Variants in MYOCOS observed in about 807,000 individuals in gnomAD.
MYOCOS encodes the protein myocilin opposite strand protein.
At chr1:171,610,185 G>C (rs1027644064) in intron 1 of MYOCOS, among the ~76,000 whole-genome samples, 2 of 152,200 alleles carry the variant, frequency 1.3e-5, no homozygotes, top group Admixed American at 1.3e-4. Context: ...TCACACTCAA[G>C]GAGCAGAGAT....
chr1:171,618,695 C>T (rs1310802306), upstream of MYOCOS, among the ~76,000 whole-genome samples: 1 of 152,196 alleles, frequency 6.6e-6, no homozygotes, highest in Admixed American at 6.5e-5. Flanking sequence ...CCTGTCTCTG[C>T]CTCCCGAGTA....
chr1:171,623,409 A>G (rs2102939914), intron 1 of MYOCOS, among the ~76,000 whole-genome samples: 1 of 152,196 alleles, frequency 6.6e-6, no homozygotes, highest in South Asian at 2.1e-4. Context: ...AAAGCTTTGC[A>G]CATGTCAGTG....
rs1029384950 is a variant in MYOCOS, at chr1:171,602,953, T to G, written c.-252+1873T>G. On this transcript the variant is annotated intron_variant, in intron 1 of 3. Transcript: ENST00000636697. Reference sequence around the variant, plus strand: ...ATCTGCACGTTATAAAAAGCAATTGTTATGCTTGTGCACATGGCAGGCCAG... The same window carrying G: ...ATCTGCACGTTATAAAAAGCAATTGGTATGCTTGTGCACATGGCAGGCCAG... Among the ~76,000 whole-genome samples the G allele has an allele frequency of 2.6e-5, 4 of 152,224 alleles. No homozygotes were observed. In the South Asian group the frequency reaches 6.2e-4, roughly 24 times the overall value.
intron 1 of MYOCOS, among the ~76,000 whole-genome samples, chr1:171,608,855 G>A (rs1652302810): frequency 6.6e-6 from 1 of 152,076 alleles, no homozygotes; most frequent in Non-Finnish European, 1.5e-5. Flanking sequence ...CTCAGAACCA[G>A]AGCCTACACT....
rs186142421 is a variant in MYOCOS at position 171,617,099 on chromosome 1, G to A, written c.-44+2094G>A. Among the ~76,000 whole-genome samples the A allele has an allele frequency of 2.3e-3, 343 of 152,272 alleles. 1 individual carries two copies. The highest frequency in any genetic ancestry group is 8.0e-3 in the African/African-American group (334 of 41,546). The stretch of plus-strand genomic sequence containing the variant: ...CTGACCCTGAGGCAGGGGAGAGCTG[G>A]CCACACAGCTGTGTGGGAGCCACTG... On this transcript the variant is annotated intron_variant, in intron 2 of 3. Transcript: ENST00000636697.
upstream of MYOCOS, among the ~76,000 whole-genome samples, chr1:171,618,948 A>G (rs1652502881): frequency 6.6e-6 from 1 of 152,172 alleles, no homozygotes; most frequent in South Asian, 2.1e-4. Flanking sequence ...GTATCCTCAC[A>G]ACCAGCCCCT....
chr1:171,626,069 T>C (rs1652689807), intron 2 of MYOCOS, among the ~76,000 whole-genome samples: 1 of 151,992 alleles, frequency 6.6e-6, no homozygotes, highest in Admixed American at 6.6e-5. Flanking sequence ...GCATCTGGGG[T>C]ATTTCTTTTG....
At chr1:171,619,125 G>A (rs1365234575), upstream of MYOCOS, among the ~76,000 whole-genome samples, 2 of 152,138 alleles carry the variant, frequency 1.3e-5, no homozygotes, top group African/African-American at 4.8e-5. Flanking sequence ...TGTATTTGGT[G>A]AGTGGAAAAT....
chr1:171,608,662 C>A (rs935228379), intron 1 of MYOCOS, among the ~76,000 whole-genome samples: 10 of 152,160 alleles, frequency 6.6e-5, no homozygotes, highest in African/African-American at 2.4e-4. Context: ...ACCTCATGAT[C>A]TGCCCGCCTC....
intron 1 of MYOCOS, among the ~76,000 whole-genome samples, chr1:171,607,489 C>T (rs772154246): frequency 1.3e-5 from 2 of 152,220 alleles, no homozygotes; most frequent in South Asian, 4.2e-4. Context: ...AAATGTAAGC[C>T]CTCTCACCAT....
intron 1 of MYOCOS, among the ~76,000 whole-genome samples, chr1:171,602,304 T>C (rs910153314): frequency 3.3e-5 from 5 of 152,188 alleles, no homozygotes; most frequent in Admixed American, 6.5e-5. Flanking sequence ...TCCTGAGTAC[T>C]GTTTAAAAAA....
chr1:171,621,574 G>A (rs7512226), upstream of MYOCOS, among the ~76,000 whole-genome samples: 76 of 151,138 alleles, frequency 5.0e-4, no homozygotes, highest in Middle Eastern at 6.8e-3. Context: ...ACGGGGTTTC[G>A]CCGTGTTAGC....
chr1:171,606,920 C>T, intron 1 of MYOCOS, among the ~76,000 whole-genome samples: 1 of 151,866 alleles, frequency 6.6e-6, no homozygotes, highest in Non-Finnish European at 1.5e-5. Flanking sequence ...GGTGAAACCC[C>T]ATCTCTACTA....
chr1:171,624,698 C>G (rs943133098), intron 2 of MYOCOS, among the ~76,000 whole-genome samples: 1 of 152,076 alleles, frequency 6.6e-6, no homozygotes, highest in Non-Finnish European at 1.5e-5. Flanking sequence ...CTGCCCGCCT[C>G]GGCCTCCCAA....
chr1:171,607,184 C>T (rs997318334), intron 1 of MYOCOS, among the ~76,000 whole-genome samples: 1 of 151,226 alleles, frequency 6.6e-6, no homozygotes, highest in African/African-American at 2.4e-5. Flanking sequence ...ATTCTATCTT[C>T]CTTGCAGAGT....
upstream of MYOCOS, among the ~76,000 whole-genome samples, chr1:171,620,925 A>G (rs1365858496): frequency 1.3e-5 from 2 of 151,572 alleles, no homozygotes; most frequent in Admixed American, 6.6e-5. Context: ...GAGTGCCACC[A>G]CGCCGGGCTA....
exon 2 of MYOCOS, chr1:171,615,000 A>G (rs1652421700): frequency 6.6e-6 from 1 of 152,286 alleles, no homozygotes; most frequent in Non-Finnish European, 1.5e-5. Flanking sequence ...ACCAGCTGAG[A>G]AAAAGGTGAG....
intron 2 of MYOCOS, 99 bp from the exon 3 acceptor site, chr1:171,626,355 T>A: frequency 2.5e-6 from 1 of 394,002 alleles, no homozygotes. Context: ...GTGCTGGGAT[T>A]ACAGGCATGA....
chr1:171,615,224 G>GGACC (rs895586793), intron 2 of MYOCOS, among the ~76,000 whole-genome samples: 1 of 152,182 alleles, frequency 6.6e-6, no homozygotes, highest in African/African-American at 2.4e-5. Flanking sequence ...TGAAAGCAGG[G>GGACC]GACCAGATAG....
Sources: allele counts gnomAD v4.1 joint callset (sites outside exome capture counted in the v4.1 genomes callset), GRCh38; gene constraint gnomAD v4.1.1; transcripts MANE v1.5; gene names NCBI Gene and HGNC (gene_info 2026-07-23, HGNC 2026-07-21).